The following KLHL42 variants were observed in gnomAD, a reference collection of about 807,000 sequenced individuals.
KLHL42 encodes kelch like family member 42, also known as kelch-like protein 42.
A neutral mutation model predicts 32.7 loss-of-function variants in KLHL42; 27 were observed. That is an observed-to-expected ratio of 0.83 (90% CI 0.61 to 1.14). The LOEUF (loss-of-function observed/expected upper bound fraction) is 1.14. KLHL42 is among the 50% of genes most tolerant of loss of function. The pLI is 0.00. For missense variants in KLHL42, 491 were observed against 560.8 expected, an observed-to-expected ratio of 0.88 and a Z score of 1.26; for synonymous variants, 267 against 248.2, an observed-to-expected ratio of 1.08 and a Z score of -0.71.
intron 2 of KLHL42, chr12:27,797,430 C>A: frequency 1.9e-6 from 1 of 523,346 alleles, no homozygotes; most frequent in Non-Finnish European, 3.6e-6. Context: ...TGTGGGGATA[C>A]CAGGGAGGAG....
At chr12:27,792,560 G>A (rs187728134) in intron 2 of KLHL42, among the ~76,000 whole-genome samples, 1 of 152,308 alleles carries the variant, frequency 6.6e-6, no homozygotes, top group Non-Finnish European at 1.5e-5. Flanking sequence ...GTCTCCTTCT[G>A]TCACCCAGGC....
At chr12:27,797,473 C>T (rs2062224321) in intron 2 of KLHL42, 11 of 562,228 alleles carry the variant, frequency 2.0e-5, no homozygotes, top group Non-Finnish European at 6.5e-6. Flanking sequence ...GCGCTTTTTC[C>T]TGGTTTTATC....
intron 2 of KLHL42, 28 bp downstream of exon 2, chr12:27,791,929 T>G (rs368868204): frequency 2.5e-6 from 4 of 1,603,864 alleles, no homozygotes; most frequent in Non-Finnish European, 3.4e-6. Flanking sequence ...GTAGGTGGTC[T>G]GCCCATGTGT....
Position 27,791,885 on chromosome 12 carries a change from A to G in KLHL42, c.1050A>G (p.Gly350=), listed in dbSNP as rs2062198816. The G allele has an allele frequency of 1.9e-6, 3 of 1,613,984 alleles. No individual in the cohort carries two copies. The highest frequency in any genetic ancestry group is 2.5e-6 in the Non-Finnish European group (3 of 1,179,990). The part of the protein sequence containing the change: ...CECKGKIYVI[G]GYTTRDRNMN... ...GTAAGGGAAAAATTTATGTCATTGGAGGATACACTACCAGAGGTAAGTGAA... is the reference window on the plus strand; with the variant it reads ...GTAAGGGAAAAATTTATGTCATTGGGGGATACACTACCAGAGGTAAGTGAA... The change falls in exon 2 of 3, where the codon GGA becomes GGG. Residue 350 remains glycine (G), a synonymous_variant. Coordinates refer to ENST00000381271, the MANE Select transcript of KLHL42 (RefSeq NM_020782.2).
Position 27,801,134 on chromosome 12 carries a change from TGG to T in KLHL42, c.*2970_*2971del, listed in dbSNP as rs2062245591. On this transcript the variant is annotated 3_prime_UTR_variant, in exon 3 of 3. Coordinates refer to ENST00000381271, the MANE Select transcript of KLHL42 (RefSeq NM_020782.2). ...CAACGACGAAGTGCTGAGAAGGTTA[TGG>T]GTACCAGGAAGAAACAAACAGAAGT... 1 of 152,592 alleles carries T rather than the reference TGG, an allele frequency of 6.6e-6. No individual in the cohort carries two copies. The allele number at this position is 152,592 out of a possible 1,614,324, so 9.5% of individuals were successfully genotyped here.
chr12:27,781,168 G>C lies in KLHL42; in HGVS notation c.838G>C (p.Glu280Gln). 1.2e-6 allele frequency: 2 copies of C among 1,613,966 alleles called. No individual in the cohort carries two copies. The highest frequency in any genetic ancestry group is 1.6e-4 in the Middle Eastern group (1 of 6,062). Residue 280 changes from glutamate to glutamine, a missense_variant, in exon 1 of 3, where the codon GAG (glutamate) becomes CAG (glutamine). Physicochemically the swap from Glu to Gln is conservative, Grantham distance 29. Coordinates refer to ENST00000381271, the MANE Select transcript of KLHL42 (RefSeq NM_020782.2). ...GCATTCCTACAACCCCAGCACCAAC[G>C]AGTGGCTCCAGGTGGCCTCCATGAA... ...AAHSYNPSTN[E>Q]WLQVASMNQK...
At chr12:27,784,300 A>T (rs1308731229) in intron 1 of KLHL42, among the ~76,000 whole-genome samples, 9 of 142,066 alleles carry the variant, frequency 6.3e-5, no homozygotes, top group African/African-American at 2.1e-4. Context: ...CGCCTGGCTA[A>T]TTTTTTTTTT....
chr12:27,791,453 T>G (rs1458893113), intron 1 of KLHL42, among the ~76,000 whole-genome samples: 1 of 152,250 alleles, frequency 6.6e-6, no homozygotes, highest in East Asian at 1.9e-4. Context: ...CTGAACAAGA[T>G]TAATAACTTG....
chr12:27,791,176 A>G (rs1031896097), intron 1 of KLHL42, among the ~76,000 whole-genome samples: 3 of 152,210 alleles, frequency 2.0e-5, no homozygotes, highest in African/African-American at 4.8e-5. Flanking sequence ...GGGAGGCAGG[A>G]CCAGTGTCTT....
Position 27,780,317 on chromosome 12 carries a change from C to G in KLHL42, c.-14C>G. ...GATCTGGCGGTGAGCGCTGCCGCCC[C>G]GGGGCCCCCAGCCATGTCGGCCGAG... On this transcript the variant is annotated 5_prime_UTR_variant, in exon 1 of 3. Coordinates refer to ENST00000381271, the MANE Select transcript of KLHL42 (RefSeq NM_020782.2). This position sits in a 1 kb window ranked among gnomAD's most constrained non-coding sequence, Gnocchi z 8.8. The G allele has an allele frequency of 6.5e-7, 1 of 1,547,688 alleles. No homozygotes were observed. Among genetic ancestry groups the G allele is most frequent in the Non-Finnish European group, 8.7e-7 (1 of 1,151,560 alleles).
At position 27,797,835 on chromosome 12, in the gene KLHL42, T is replaced by TG. The variant is rs749194179; in HGVS notation, c.1194dup (p.Cys399ValfsTer43). On this transcript the variant is annotated frameshift_variant, in exon 3 of 3. Transcript: ENST00000381271. LOFTEE classifies it high-confidence loss of function. The stretch of plus-strand genomic sequence containing the variant: ...TCTGTGGAAGAGACCATCTACATCG[T>TG]GGGGGGGTGTCTCCACGAGCTGGGG... 3.7e-5 allele frequency: 29 copies of TG among 778,470 alleles called. No homozygotes were observed. Among genetic ancestry groups the TG allele is most frequent in the East Asian group, 4.9e-5 (2 of 41,180 alleles). 48.2% of individuals were successfully genotyped at this position (778,470 alleles called of 1,614,324 possible). A position where few individuals can be genotyped will look rare whatever the true frequency, so the allele number is the denominator to read the frequency against.
At chr12:27,794,169 A>G (rs1327503311) in intron 2 of KLHL42, among the ~76,000 whole-genome samples, 1 of 152,250 alleles carries the variant, frequency 6.6e-6, no homozygotes, top group East Asian at 1.9e-4. Flanking sequence ...TTGGTGGCCT[A>G]AAACAACAGA....
intron 2 of KLHL42, chr12:27,797,138 A>G: frequency 2.4e-6 from 1 of 415,490 alleles, no homozygotes; most frequent in South Asian, 1.7e-5. Context: ...AAAAAACAAA[A>G]AAAAAACTGG....
chr12:27,798,096 G>A lies in KLHL42; in HGVS notation c.1448G>A (p.Arg483Gln), dbSNP rs758218658. The change falls in exon 3 of 3, where the codon CGG becomes CAG. Residue 483 changes from arginine (R) to glutamine (Q), a missense_variant. By Grantham distance (43) the Arg-to-Gln change is conservative. Around this residue, in one of 4 missense-constraint regions of KLHL42, gnomAD observed 152 missense variants for 125.9 expected, o/e 1.21. Transcript: ENST00000381271. ...TTTTCAGATAGTTGGGAAGCATTTC[G>A]GCGTTTTCCAGCTTTTGGACATAAC... The part of the protein sequence containing the change: ...NIFSDSWEAF[R>Q]RFPAFGHNLL... 1.8e-5 allele frequency: 14 copies of A among 780,848 alleles called. 2 individuals are homozygous for A. The highest frequency in any genetic ancestry group is 1.5e-4 in the South Asian group (11 of 74,618). 48.4% of individuals were successfully genotyped at this position (780,848 alleles called of 1,614,324 possible). A position where few individuals can be genotyped will look rare whatever the true frequency, so the allele number is the denominator to read the frequency against.
Position 27,796,391 on chromosome 12 carries a change from G to C in KLHL42, c.1067-1324G>C, listed in dbSNP as rs533183438. ...TGCTGTAGGCTTTAGTCGTCTGCCA[G>C]TTCCCAAGCTGAGCTGTCTCCTTCA... On this transcript the variant is annotated intron_variant, in intron 2 of 2. Transcript: ENST00000381271. Among the ~76,000 whole-genome samples the C allele has an allele frequency of 2.7e-4, 41 of 152,352 alleles. 2 individuals are homozygous for C. In the South Asian group the frequency reaches 3.9e-3, roughly 15 times the overall value.
intron 1 of KLHL42, among the ~76,000 whole-genome samples, chr12:27,786,664 C>CTGAA (rs1202163352): frequency 6.7e-6 from 1 of 150,256 alleles, no homozygotes; most frequent in Non-Finnish European, 1.5e-5. Flanking sequence ...TTCCCAGGGA[C>CTGAA]TGAATAGTGC....
chr12:27,795,610 T>C (rs1273489913), intron 2 of KLHL42, among the ~76,000 whole-genome samples: 1 of 142,544 alleles, frequency 7.0e-6, no homozygotes, highest in African/African-American at 2.7e-5. Context: ...TTCAGATAAG[T>C]CATCATGATT....
At position 27,799,916 on chromosome 12, in the gene KLHL42, C is replaced by A; in HGVS notation, c.*1750C>A. ...CCCATTTATTCCCAAATATTAAGCC[C>A]TTAAAAAAATAAAACCTCTGAACCA... On this transcript the variant is annotated 3_prime_UTR_variant, in exon 3 of 3. Transcript: ENST00000381271. 1 of 851,588 alleles carries A rather than the reference C, an allele frequency of 1.2e-6. No homozygotes were observed. The highest frequency in any genetic ancestry group is 1.4e-6 in the Non-Finnish European group (1 of 708,166). 52.8% of individuals were successfully genotyped at this position (851,588 alleles called of 1,614,324 possible). A position where few individuals can be genotyped will look rare whatever the true frequency, so the allele number is the denominator to read the frequency against.
At position 27,791,913 on chromosome 12, in the gene KLHL42, G is replaced by A; in HGVS notation, c.1066+12G>A. 1 of 1,612,884 alleles carries A rather than the reference G, an allele frequency of 6.2e-7. No homozygotes were observed. ...ATACACTACCAGAGGTAAGTGAAGG[G>A]ACCAGGTAGGTGGTCTGCCCATGTG... On this transcript the variant is annotated intron_variant, in intron 2 of 2. Coordinates refer to ENST00000381271, the MANE Select transcript of KLHL42 (RefSeq NM_020782.2).
Sources: allele counts gnomAD v4.1 joint callset (sites outside exome capture counted in the v4.1 genomes callset), GRCh38; gene constraint gnomAD v4.1.1; regional missense constraint gnomAD v4.1.1; non-coding constraint Gnocchi (gnomAD v3.1); transcripts MANE v1.5; gene names NCBI Gene and HGNC (gene_info 2026-07-23, HGNC 2026-07-21).